Variants in DLG2 observed in about 807,000 individuals in gnomAD.
The protein encoded by DLG2 is discs large MAGUK scaffold protein 2, also known as disks large homolog 2.
Under a neutral mutation model 132.5 loss-of-function variants are expected in DLG2, and 45 were observed. The ratio of observed to expected loss-of-function variants is 0.34; its 90% CI spans 0.27 to 0.44. The LOEUF is 0.44. DLG2 is among the 20% of genes least tolerant of loss of function. DLG2 has a pLI of 1.00. For missense variants in DLG2, 1,045 were observed against 1,196.9 expected, an observed-to-expected ratio of 0.87 and a Z score of 1.87; for synonymous variants, 424 against 419.6, an observed-to-expected ratio of 1.01 and a Z score of -0.13.
intron 6 of DLG2, among the ~76,000 whole-genome samples, chr11:85,001,836 T>C (rs775783398): frequency 6.6e-6 from 1 of 152,208 alleles, no homozygotes; most frequent in Non-Finnish European, 1.5e-5. Context: ...ATGTTAATCA[T>C]GCATGTGTGG....
At chr11:83,513,200 T>C (rs1159780329) in intron 21 of DLG2, among the ~76,000 whole-genome samples, 6 of 152,200 alleles carry the variant, frequency 3.9e-5, no homozygotes, top group Non-Finnish European at 7.4e-5. Context: ...ACCTGTTGTT[T>C]CCTGCTTTTT....
chr11:84,973,042 C>T (rs1290707120), intron 6 of DLG2, among the ~76,000 whole-genome samples: 1 of 151,542 alleles, frequency 6.6e-6, no homozygotes, highest in African/African-American at 2.4e-5. Context: ...ACTGCAATCT[C>T]CTCCTCCCAG....
intron 7 of DLG2, among the ~76,000 whole-genome samples, chr11:84,515,519 A>C (rs891943778): frequency 6.6e-6 from 1 of 151,942 alleles, no homozygotes; most frequent in African/African-American, 2.4e-5. Flanking sequence ...TAAGGGGTTC[A>C]ATTCAGCAAG....
intron 6 of DLG2, among the ~76,000 whole-genome samples, chr11:84,683,805 G>A (rs1283330898): frequency 6.6e-6 from 1 of 152,264 alleles, no homozygotes; most frequent in Admixed American, 6.5e-5. Context: ...ATGTCCTATT[G>A]CTGAATCCAG....
chr11:83,521,723 G>A (rs896824147), intron 21 of DLG2, among the ~76,000 whole-genome samples: 22 of 152,030 alleles, frequency 1.4e-4, no homozygotes, highest in South Asian at 4.1e-4. Flanking sequence ...TCCCCCACAT[G>A]TTCATGAATG....
chr11:84,240,113 C>T (rs996574505), intron 8 of DLG2, among the ~76,000 whole-genome samples: 11 of 152,206 alleles, frequency 7.2e-5, no homozygotes, highest in African/African-American at 1.4e-4. Context: ...TTGCTTTAAA[C>T]GGACGAACAA....
At chr11:84,883,327 G>A (rs1252978313) in intron 6 of DLG2, among the ~76,000 whole-genome samples, 1 of 151,824 alleles carries the variant, frequency 6.6e-6, no homozygotes, top group African/African-American at 2.4e-5. Context: ...GGGACAAGGG[G>A]AGGGATAGCA....
chr11:84,530,838 G>A (rs1176692939), intron 7 of DLG2, among the ~76,000 whole-genome samples: 1 of 152,194 alleles, frequency 6.6e-6, no homozygotes. Context: ...GTTCCTTGCA[G>A]CACTATTCAC....
chr11:85,537,922 C>A (rs1360885316), intron 3 of DLG2, among the ~76,000 whole-genome samples: 2 of 151,816 alleles, frequency 1.3e-5, no homozygotes, highest in Non-Finnish European at 2.9e-5. Flanking sequence ...TGAGACCATC[C>A]AGGCTAACAC....
At chr11:84,870,115 G>T (rs1470659933) in intron 6 of DLG2, among the ~76,000 whole-genome samples, 2 of 152,140 alleles carry the variant, frequency 1.3e-5, no homozygotes, top group African/African-American at 4.8e-5. Context: ...GTTCAATGTT[G>T]TACATGCAAA....
intron 2 of DLG2, among the ~76,000 whole-genome samples, chr11:85,604,736 T>C (rs2080406750): frequency 6.6e-6 from 1 of 152,142 alleles, no homozygotes; most frequent in Non-Finnish European, 1.5e-5. Flanking sequence ...GCATGAAATA[T>C]GCAACCAAGG....
chr11:83,730,760 G>A (rs1018447170), intron 18 of DLG2, among the ~76,000 whole-genome samples: 2 of 152,166 alleles, frequency 1.3e-5, no homozygotes, highest in Non-Finnish European at 2.9e-5. Flanking sequence ...AAAATTTGCT[G>A]TTTCTCGTTG....
intron 6 of DLG2, among the ~76,000 whole-genome samples, chr11:84,989,146 C>T (rs543668572): frequency 6.6e-6 from 1 of 152,254 alleles, no homozygotes; most frequent in East Asian, 1.9e-4. Context: ...GACTTGTATT[C>T]TAAAGACTAC....
intron 6 of DLG2, among the ~76,000 whole-genome samples, chr11:84,567,808 A>G (rs962566699): frequency 3.9e-5 from 6 of 152,202 alleles, no homozygotes; most frequent in Non-Finnish European, 8.8e-5. Flanking sequence ...ACAGACAAGA[A>G]CATCCTTTTG....
At position 83,769,816 on chromosome 11, in the gene DLG2, C is replaced by T. The variant is rs544017393; in HGVS notation, c.1825+16874G>A. Among the ~76,000 whole-genome samples the T allele has an allele frequency of 2.4e-4, 37 of 152,090 alleles. 1 individual carries two copies. The highest frequency in any genetic ancestry group is 1.5e-3 in the South Asian group (7 of 4,806). ...CTGACCTCAGGTGATTCTCCCATCT[C>T]GGCCTCCCAAAGTGCTGGGATTACA... On this transcript the variant is annotated intron_variant, in intron 18 of 27. Coordinates refer to ENST00000376104, the MANE Select transcript of DLG2 (RefSeq NM_001142699.3).
At chr11:84,365,369 T>C (rs1401450182) in intron 7 of DLG2, among the ~76,000 whole-genome samples, 4 of 152,024 alleles carry the variant, frequency 2.6e-5, no homozygotes, top group East Asian at 1.9e-4. Flanking sequence ...TCCCCTTTAT[T>C]ATTTTTTATT....
Position 85,154,638 on chromosome 11 carries a change from C to G in DLG2, c.200G>C (p.Ser67Thr). Residue 67 changes from serine to threonine, a missense_variant, in exon 5 of 28, where the codon AGT becomes ACT. By Grantham distance (58) the Ser-to-Thr change is moderately conservative. This residue lies in a region of DLG2 where 277 missense variants were observed against 238.2 expected (regional missense o/e 1.16). Coordinates refer to ENST00000376104, the MANE Select transcript of DLG2 (RefSeq NM_001142699.3). ...ACATGAAGCATTTTCCTTTGATCCACTGCAATCTGTAAGCTAAAATAAAAG... is the reference window on the plus strand; with the variant it reads ...ACATGAAGCATTTTCCTTTGATCCAGTGCAATCTGTAAGCTAAAATAAAAG... ...LQKSSELTDC[S>T]GSKENASCIE... 6.7e-7 allele frequency: 1 copy of G among 1,503,728 alleles called. No individual in the cohort carries two copies. The highest frequency in any genetic ancestry group is 9.0e-7 in the Non-Finnish European group (1 of 1,108,778). 93.1% of individuals were successfully genotyped at this position (1,503,728 alleles called of 1,614,324 possible). A position where few individuals can be genotyped will look rare whatever the true frequency, so the allele number is the denominator to read the frequency against.
chr11:85,452,967 C>A (rs751670422), intron 3 of DLG2: 4 of 207,072 alleles, frequency 1.9e-5, no homozygotes, highest in Admixed American at 8.8e-5. Flanking sequence ...GGCTCAGATT[C>A]AAGTACACCT....
Position 83,472,734 on chromosome 11 carries a change from C to G in DLG2, c.2337G>C (p.Arg779Ser), listed in dbSNP as rs775949249. The G allele has an allele frequency of 6.2e-7, 1 of 1,611,332 alleles. No individual in the cohort carries two copies. Among genetic ancestry groups the G allele is most frequent in the Admixed American group, 1.7e-5 (1 of 59,482 alleles). ...GCGTGCTGGGAAACTTACTTTCCTG[C>G]CTTGTAACAGGCTCATAGGAAAGAA... ...DLILSYEPVTRQEINYTRPVI... is the reference protein window; with the variant it reads ...DLILSYEPVTSQEINYTRPVI... Residue 779 changes from arginine (R) to serine (S), a missense_variant, in exon 23 of 28, where the codon AGG becomes AGC. By Grantham distance (110) the Arg-to-Ser change is moderately radical (BLOSUM62 -1). Transcript: ENST00000376104.
Sources: allele counts gnomAD v4.1 joint callset (sites outside exome capture counted in the v4.1 genomes callset), GRCh38; gene constraint gnomAD v4.1.1; regional missense constraint gnomAD v4.1.1; transcripts MANE v1.5; gene names NCBI Gene and HGNC (gene_info 2026-07-23, HGNC 2026-07-21).